The following TENM3 variants were observed in gnomAD, a reference collection of about 807,000 sequenced individuals.
The protein encoded by TENM3 is teneurin-3.
TENM3 carries 63 observed loss-of-function variants against 255.1 expected under a neutral mutation model. That is an observed-to-expected ratio of 0.25 (90% CI 0.20 to 0.30). TENM3 has a LOEUF of 0.30. Among genes scored for constraint, TENM3 ranks in the 10% least tolerant of loss-of-function variants. The pLI, the probability that TENM3 is intolerant of heterozygous loss-of-function variation, is 1.00. For missense variants in TENM3, 2,929 were observed against 3,461.1 expected (o/e 0.85, Z 3.86); for synonymous variants, 1,306 against 1,322.3 (o/e 0.99, Z 0.27).
At chr4:182,068,462 A>G in the TENM3 span, among the ~76,000 whole-genome samples, 2 of 152,102 alleles carry the variant, frequency 1.3e-5, no homozygotes, top group Non-Finnish European at 2.9e-5. Context: ...CATTGCTACT[A>G]CTAAGCAATA....
chr4:181,666,877 G>A, the TENM3 span, among the ~76,000 whole-genome samples: 7 of 152,138 alleles, frequency 4.6e-5, no homozygotes, highest in South Asian at 2.1e-4. Context: ...TCTGCCCTTG[G>A]CTCATCAAAC....
At chr4:181,581,318 G>A in the TENM3 span, among the ~76,000 whole-genome samples, 8 of 152,104 alleles carry the variant, frequency 5.3e-5, no homozygotes, top group Non-Finnish European at 2.9e-5. Context: ...GTGCACGCCT[G>A]TAATCCCAGC....
the TENM3 span, among the ~76,000 whole-genome samples, chr4:181,547,877 T>C: frequency 6.6e-6 from 1 of 152,286 alleles, no homozygotes; most frequent in East Asian, 1.9e-4. Flanking sequence ...TACATATACA[T>C]ATACATGTGC....
At chr4:181,739,222 T>A in the TENM3 span, among the ~76,000 whole-genome samples, 11 of 152,162 alleles carry the variant, frequency 7.2e-5, no homozygotes, top group Non-Finnish European at 1.6e-4. Flanking sequence ...AGGGGTCCAA[T>A]AATGATGTTG....
At chr4:181,828,546 CA>C in the TENM3 span, among the ~76,000 whole-genome samples, 1 of 152,128 alleles carries the variant, frequency 6.6e-6, no homozygotes, top group Non-Finnish European at 1.5e-5. Flanking sequence ...CTGTAAATGA[CA>C]AAACAACACT....
chr4:181,570,687 C>G, the TENM3 span, among the ~76,000 whole-genome samples: 1 of 151,342 alleles, frequency 6.6e-6, no homozygotes, highest in African/African-American at 2.4e-5. Context: ...AGCAAGCAAG[C>G]TTCTGGTAGG....
chr4:182,114,725 G>A, the TENM3 span, among the ~76,000 whole-genome samples: 2 of 152,146 alleles, frequency 1.3e-5, no homozygotes, highest in African/African-American at 4.8e-5. Flanking sequence ...CCATTTTAGA[G>A]ATAACACTAG....
At chr4:181,546,346 G>A in the TENM3 span, among the ~76,000 whole-genome samples, 307 of 152,228 alleles carry the variant, frequency 2.0e-3, 2 homozygotes, top group Middle Eastern at 0.01. Flanking sequence ...TTAAAAATTA[G>A]CATTCTTCTG....
the TENM3 span, among the ~76,000 whole-genome samples, chr4:181,936,867 A>G: frequency 6.6e-6 from 1 of 152,076 alleles, no homozygotes; most frequent in African/African-American, 2.4e-5. Context: ...GCCCCATGCT[A>G]GGCTCTAGGC....
At chr4:182,685,128 A>G (rs149417896) in intron 11 of TENM3, among the ~76,000 whole-genome samples, 152 of 152,202 alleles carry the variant, frequency 1.0e-3, no homozygotes, top group African/African-American at 3.6e-3. Flanking sequence ...CTACTTAGAG[A>G]CAAGTTTTCA....
At chr4:181,804,938 C>T in the TENM3 span, among the ~76,000 whole-genome samples, 2 of 152,092 alleles carry the variant, frequency 1.3e-5, no homozygotes, top group African/African-American at 4.8e-5. Context: ...TCCCCAATTC[C>T]CTGCCTCACT....
chr4:181,674,043 T>C, the TENM3 span, among the ~76,000 whole-genome samples: 1 of 152,166 alleles, frequency 6.6e-6, no homozygotes, highest in Non-Finnish European at 1.5e-5. Flanking sequence ...TAGCCCTAGC[T>C]GGAGTGCAGT....
At chr4:181,860,862 C>T in the TENM3 span, among the ~76,000 whole-genome samples, 2 of 152,066 alleles carry the variant, frequency 1.3e-5, no homozygotes, top group African/African-American at 4.8e-5. Flanking sequence ...TTTATTTATT[C>T]AGCTGGCTTT....
At chr4:182,612,716 TC>T (rs2152434145) in intron 4 of TENM3, among the ~76,000 whole-genome samples, 2 of 150,086 alleles carry the variant, frequency 1.3e-5, no homozygotes, top group South Asian at 4.3e-4. Flanking sequence ...AGTTTCCTCT[TC>T]TTTAAAAGCA....
intron 12 of TENM3, among the ~76,000 whole-genome samples, chr4:182,712,750 T>C (rs1214840273): frequency 2.0e-5 from 3 of 152,190 alleles, no homozygotes; most frequent in African/African-American, 7.2e-5. Context: ...TAAAAACAGA[T>C]TGTTCCCTGA....
At chr4:181,790,204 G>T in the TENM3 span, among the ~76,000 whole-genome samples, 1 of 152,142 alleles carries the variant, frequency 6.6e-6, no homozygotes, top group Admixed American at 6.6e-5. Flanking sequence ...TGCTTGGTGT[G>T]TGTGGAAAGA....
At chr4:181,605,480 GAGAAAGAAAGAAAGAA>G in the TENM3 span, among the ~76,000 whole-genome samples, 1,241 of 63,712 alleles carry the variant, frequency 0.019, 33 homozygotes, top group African/African-American at 0.028. Flanking sequence ...GAGAGAAACA[GAGAAAGAAAGAAAGAA>G]AGAAAGAAAG....
chr4:181,729,625 A>G, the TENM3 span, among the ~76,000 whole-genome samples: 2 of 152,238 alleles, frequency 1.3e-5, no homozygotes, highest in Non-Finnish European at 2.9e-5. Flanking sequence ...TATGTTAAAC[A>G]TAGGACGTAA....
the TENM3 span, among the ~76,000 whole-genome samples, chr4:181,811,542 C>T: frequency 3.3e-5 from 5 of 152,182 alleles, no homozygotes; most frequent in Non-Finnish European, 7.3e-5. Flanking sequence ...AAAGTCATGC[C>T]TGAGACTGGG....
Sources: allele counts gnomAD v4.1 joint callset (sites outside exome capture counted in the v4.1 genomes callset), GRCh38; gene constraint gnomAD v4.1.1; transcripts MANE v1.5; gene names NCBI Gene and HGNC (gene_info 2026-07-23, HGNC 2026-07-21).